The following TNRC6B variants were observed in gnomAD, a reference collection of about 807,000 sequenced individuals.
TNRC6B encodes trinucleotide repeat-containing gene 6B protein.
In TNRC6B, 52 loss-of-function variants were observed where a neutral mutation model predicts 203.6. The ratio of observed to expected loss-of-function variants is 0.26; its 90% CI spans 0.20 to 0.32. TNRC6B has a LOEUF of 0.32. Among genes scored for constraint, TNRC6B ranks in the 10% least tolerant of loss-of-function variants. The probability of loss-of-function intolerance (pLI) is 1.00; values close to 1 mark genes in which losing one functional copy is unlikely to be tolerated. For synonymous variants in TNRC6B, 838 were observed against 845.7 expected (o/e 0.99, Z 0.16); for missense variants, 1,923 against 2,286.2 (o/e 0.84, Z 3.24).
chr22:40,169,797 G>A (rs559132852), intron 4 of TNRC6B, among the ~76,000 whole-genome samples: 57 of 152,158 alleles, frequency 3.7e-4, no homozygotes, highest in South Asian at 8.3e-4. Context: ...GCTTCATCCC[G>A]TGTTTATAGG....
chr22:40,226,730 T>G (rs1181745203), intron 1 of TNRC6B, among the ~76,000 whole-genome samples: 3 of 152,204 alleles, frequency 2.0e-5, no homozygotes, highest in Non-Finnish European at 2.9e-5. Flanking sequence ...TGATTAATGC[T>G]TTTTAAAGAT....
intron 16 of TNRC6B, 85 bp downstream of exon 16, chr22:40,308,734 C>T (rs565785090): frequency 4.2e-4 from 621 of 1,462,620 alleles, no homozygotes; most frequent in Non-Finnish European, 5.0e-4. Context: ...AAGTACAGAA[C>T]TTGGTATTCA....
chr22:40,255,431 AC>A (rs1482306092), intron 3 of TNRC6B, among the ~76,000 whole-genome samples: 1 of 152,002 alleles, frequency 6.6e-6, no homozygotes, highest in Non-Finnish European at 1.5e-5. Flanking sequence ...CCTTGAGTCT[AC>A]TCTCATTTAT....
rs1436546508 is a variant in TNRC6B, at chr22:40,266,347, C to A, written c.2117C>A (p.Ser706Tyr). 1 of 1,609,242 alleles carries A rather than the reference C, an allele frequency of 6.2e-7. No homozygotes were observed. The highest frequency in any genetic ancestry group is 1.7e-5 in the Admixed American group (1 of 59,032). The change falls in exon 5 of 23, where the codon TCT (serine) becomes TAT (tyrosine). Residue 706 changes from serine (S) to tyrosine (Y), a missense_variant. Transcript: ENST00000454349. ...GGWNDYKNNN[S>Y]SNWGGGRPDE... ...TGGAATGACTACAAGAACAACAACT[C>A]TTCCAACTGGGGAGGAGGACGACCT...
intron 3 of TNRC6B, among the ~76,000 whole-genome samples, chr22:40,127,574 T>C (rs1450444167): frequency 6.6e-6 from 1 of 152,056 alleles, no homozygotes; most frequent in Non-Finnish European, 1.5e-5. Context: ...TACTAATTGA[T>C]AGTGAAATAT....
At chr22:40,285,865 A>G in intron 12 of TNRC6B, 95 bp downstream of exon 12, 2 of 1,455,380 alleles carry the variant, frequency 1.4e-6, no homozygotes, top group Non-Finnish European at 1.9e-6. Flanking sequence ...AAAGAATGAT[A>G]GTAAGTAGCA....
intron 3 of TNRC6B, among the ~76,000 whole-genome samples, chr22:40,132,372 G>A (rs2068553418): frequency 6.7e-6 from 1 of 149,986 alleles, no homozygotes; most frequent in Non-Finnish European, 1.5e-5. Context: ...TCTCAATAAA[G>A]ACGAGACGAG....
At chr22:40,273,907 A>G (rs1601479173) in intron 7 of TNRC6B, among the ~76,000 whole-genome samples, 1 of 152,186 alleles carries the variant, frequency 6.6e-6, no homozygotes, top group South Asian at 2.1e-4. Flanking sequence ...TTGTCCTTCC[A>G]AAGTGCTGGG....
intron 21 of TNRC6B, among the ~76,000 whole-genome samples, chr22:40,317,749 T>A (rs1400396877): frequency 1.3e-5 from 2 of 152,202 alleles, no homozygotes; most frequent in African/African-American, 4.8e-5. Context: ...GGTTGCTAGA[T>A]AACTGAGGTA....
intron 15 of TNRC6B, among the ~76,000 whole-genome samples, chr22:40,303,046 C>CTTTTTTTTTTTTTTTTTTT (rs756951957): frequency 1.1e-5 from 1 of 90,064 alleles, no homozygotes; most frequent in Non-Finnish European, 2.2e-5. Context: ...TCTTCTTCTT[C>CTTTTTTTTTTTTTTTTTTT]TTTTTTTTTT....
At chr22:40,140,024 A>C (rs1601836836) in intron 3 of TNRC6B, among the ~76,000 whole-genome samples, 2 of 152,352 alleles carry the variant, frequency 1.3e-5, no homozygotes, top group South Asian at 4.1e-4. Context: ...AGTATGTGAC[A>C]TAGAGGTCAT....
Position 40,231,872 on chromosome 22 carries a change from C to T in TNRC6B, c.6-14143C>T, listed in dbSNP as rs118070654. ...ATAGGAAAGTCCTGCCTGTTGTTGC[C>T]TATGTGTCTTTTTGCAACTGTTTCT... On this transcript the variant is annotated intron_variant, in intron 1 of 22. Transcript: ENST00000454349. Among the ~76,000 whole-genome samples the T allele has an allele frequency of 3.3e-3, 509 of 152,288 alleles. 17 individuals carry two copies. The East Asian group carries it at 0.073, about 22-fold the overall frequency.
rs376935158 is a variant in TNRC6B at position 40,321,240 on chromosome 22, G to C, written c.5114+11G>C. 8.7e-6 allele frequency: 14 copies of C among 1,613,036 alleles called. No individual in the cohort carries two copies. The African/African-American group carries it at 1.9e-4, about 22-fold the overall frequency. The stretch of plus-strand genomic sequence containing the variant: ...AACTGCACTGCACATGTGAGTATTC[G>C]GTCCTACACCCACGTAGACAAACAT... On this transcript the variant is annotated intron_variant, in intron 22 of 22. Transcript: ENST00000454349.
rs1166899578 is a variant in TNRC6B, at chr22:40,265,194, A to G, written c.964A>G (p.Lys322Glu). Residue 322 changes from lysine (K) to glutamate (E), a missense_variant, in exon 5 of 23, where the codon AAA becomes GAA. Coordinates refer to ENST00000454349, the MANE Select transcript of TNRC6B (RefSeq NM_001162501.2). ...PALVQEGTSRKGALETDNSNS... is the reference protein window; with the variant it reads ...PALVQEGTSREGALETDNSNS... ...ACTGGTCCAAGAAGGAACTTCTAGG[A>G]AAGGGGCATTGGAAACAGATAATAG... 1 of 1,614,038 alleles carries G rather than the reference A, an allele frequency of 6.2e-7. No homozygotes were observed. Among genetic ancestry groups the G allele is most frequent in the Admixed American group, 1.7e-5 (1 of 60,022 alleles).
chr22:40,289,270 A>G (rs2070835763), intron 12 of TNRC6B, among the ~76,000 whole-genome samples: 1 of 152,098 alleles, frequency 6.6e-6, no homozygotes, highest in Admixed American at 6.6e-5. Flanking sequence ...CAACAGAGCA[A>G]GACCCCGTCT....
chr22:40,051,339 T>G (rs997435703), intron 1 of TNRC6B, among the ~76,000 whole-genome samples: 1 of 152,252 alleles, frequency 6.6e-6, no homozygotes, highest in African/African-American at 2.4e-5. Flanking sequence ...CCACAAGTAT[T>G]GCACCTTGGT....
intron 1 of TNRC6B, among the ~76,000 whole-genome samples, chr22:40,053,119 G>A (rs1461584815): frequency 6.8e-6 from 1 of 147,434 alleles, no homozygotes; most frequent in African/African-American, 2.5e-5. Context: ...AAAGCTTTAG[G>A]TATTTAACAT....
intron 1 of TNRC6B, among the ~76,000 whole-genome samples, chr22:40,069,459 G>A (rs2067927940): frequency 6.6e-6 from 1 of 150,852 alleles, no homozygotes; most frequent in South Asian, 2.1e-4. Flanking sequence ...TAGTTTCTTT[G>A]AGTATAACTT....
upstream of TNRC6B, among the ~76,000 whole-genome samples, chr22:40,176,469 C>T (rs566658306): frequency 1.3e-5 from 2 of 152,048 alleles, no homozygotes; most frequent in African/African-American, 2.4e-5. Context: ...TTCCTGAAGC[C>T]GTCCTTAAAA....
Sources: gnomAD v4.1 joint callset for allele counts (sites outside exome capture counted in the v4.1 genomes callset) on GRCh38, gnomAD v4.1.1 for gene constraint, MANE v1.5 for transcripts, NCBI Gene and HGNC (gene_info 2026-07-23, HGNC 2026-07-21) for gene names.